ITPKB: variants seen among roughly 807,000 people sequenced by gnomAD.
The protein encoded by ITPKB is IP3 3-kinase B.
A neutral mutation model predicts 69.4 loss-of-function variants in ITPKB; 13 were observed. The observed-to-expected ratio is 0.19, with a 90% CI of 0.12 to 0.30. The LOEUF (loss-of-function observed/expected upper bound fraction) is 0.30, where lower values mean the gene tolerates loss of function less well. Among genes scored for constraint, ITPKB ranks in the 10% least tolerant of loss-of-function variants. The pLI is 1.00. For synonymous variants in ITPKB, 584 were observed against 513.7 expected (o/e 1.14, Z -1.85); for missense variants, 1,240 against 1,250.5 (o/e 0.99, Z 0.13).
chr1:226,648,639 C>G (rs1163547964), intron 3 of ITPKB, 33 bp downstream of exon 3: 1 of 1,358,620 alleles, frequency 7.4e-7, no homozygotes, highest in Admixed American at 1.7e-5. Context: ...GGCTGAGCAC[C>G]ATGCTGGGAA....
chr1:226,680,920 C>T (rs1372050751), intron 2 of ITPKB, among the ~76,000 whole-genome samples: 2 of 152,170 alleles, frequency 1.3e-5, no homozygotes, highest in Admixed American at 6.5e-5. Flanking sequence ...TGTGACTACC[C>T]TAAGTGGATG....
intron 4 of ITPKB, among the ~76,000 whole-genome samples, chr1:226,646,661 C>T (rs186594628): frequency 1.3e-5 from 2 of 152,126 alleles, no homozygotes; most frequent in Admixed American, 6.5e-5. Context: ...GCTTCCTCCT[C>T]CTTTTAGGCA....
intron 2 of ITPKB, among the ~76,000 whole-genome samples, chr1:226,693,700 T>A (rs1656411761): frequency 6.6e-6 from 1 of 152,218 alleles, no homozygotes; most frequent in East Asian, 1.9e-4. Context: ...AATCTGTAGT[T>A]TTAAAACTGC....
intron 2 of ITPKB, among the ~76,000 whole-genome samples, chr1:226,734,061 G>A (rs1228823270): frequency 7.2e-5 from 11 of 152,202 alleles, no homozygotes; most frequent in Admixed American, 7.2e-4. Flanking sequence ...TCTAACTGCT[G>A]GGCAGAAAGA....
At chr1:226,735,494 T>C (rs749399951) in intron 2 of ITPKB, 33 bp downstream of exon 2, 3 of 1,461,914 alleles carry the variant, frequency 2.1e-6, no homozygotes, top group Non-Finnish European at 2.7e-6. Flanking sequence ...GAAATCAGCA[T>C]GAGTTCTGGG....
At chr1:226,690,549 C>T (rs1381115386) in intron 2 of ITPKB, among the ~76,000 whole-genome samples, 2 of 152,212 alleles carry the variant, frequency 1.3e-5, no homozygotes, top group African/African-American at 4.8e-5. Flanking sequence ...AAGCACTCAC[C>T]TCCTGTTTAC....
At chr1:226,730,924 T>G (rs1186338357) in intron 2 of ITPKB, among the ~76,000 whole-genome samples, 2 of 152,206 alleles carry the variant, frequency 1.3e-5, no homozygotes, top group Non-Finnish European at 2.9e-5. Flanking sequence ...CAAATATATT[T>G]CTCTAAAAAC....
At chr1:226,666,031 C>T (rs1051650603) in intron 2 of ITPKB, among the ~76,000 whole-genome samples, 5 of 152,174 alleles carry the variant, frequency 3.3e-5, no homozygotes, top group East Asian at 1.9e-4. Context: ...TGGCCATCTG[C>T]GGTCTTCCCC....
At chr1:226,645,197 G>C (rs773901134) in intron 4 of ITPKB, among the ~76,000 whole-genome samples, 9 of 152,208 alleles carry the variant, frequency 5.9e-5, no homozygotes, top group African/African-American at 9.6e-5. Flanking sequence ...GAACAAGAAG[G>C]GTCCTTAGGA....
chr1:226,639,725 C>T, intron 5 of ITPKB, 67 bp from the exon 6 acceptor site: 2 of 1,010,134 alleles, frequency 2.0e-6, no homozygotes, highest in Non-Finnish European at 3.1e-6. Context: ...CTGTTCTCAC[C>T]CACCCAACAC....
chr1:226,634,483 A>G lies in ITPKB; in HGVS notation c.*188T>C, dbSNP rs1668787678. ...TGACCCTCTCTACAAAAAGCAGTGC[A>G]AACACCACCTCCAAGCCCTGAAGTT... On this transcript the variant is annotated 3_prime_UTR_variant, in exon 8 of 8. Transcript: ENST00000429204. This position sits in a 1 kb window ranked among gnomAD's most constrained non-coding sequence, Gnocchi z 6.3. 1 of 591,160 alleles carries G rather than the reference A, an allele frequency of 1.7e-6. No individual in the cohort carries two copies. Among genetic ancestry groups the G allele is most frequent in the African/African-American group, 1.9e-5 (1 of 53,694 alleles). 36.6% of individuals were successfully genotyped at this position (591,160 alleles called of 1,614,324 possible).
At chr1:226,727,720 C>G (rs1010045680) in intron 2 of ITPKB, among the ~76,000 whole-genome samples, 5 of 152,136 alleles carry the variant, frequency 3.3e-5, no homozygotes, top group Admixed American at 3.3e-4. Context: ...ACCTCGTTTG[C>G]ACCCCCACCC....
rs1657738184 is a variant in ITPKB, at chr1:226,735,927, C to T, written c.1532G>A (p.Gly511Asp). ...VQPGNSRVWQGTMEKAGLAWT... is the reference protein window; with the variant it reads ...VQPGNSRVWQDTMEKAGLAWT... ...AGCCAAACCGGCTTTCTCCATGGTG[C>T]CCTGCCAAACCCTGGAGTTCCCAGG... Residue 511 changes from glycine to aspartate, a missense_variant, in exon 2 of 8, where the codon GGC (glycine) becomes GAC (aspartate). Physicochemically the swap from Gly to Asp is moderately conservative, Grantham distance 94. Coordinates refer to ENST00000429204, the MANE Select transcript of ITPKB (RefSeq NM_002221.4). The T allele has an allele frequency of 6.2e-7, 1 of 1,613,856 alleles. No individual in the cohort carries two copies. Among genetic ancestry groups the T allele is most frequent in the Admixed American group, 1.7e-5 (1 of 60,002 alleles).
chr1:226,653,415 T>A (rs1026525413), intron 2 of ITPKB, among the ~76,000 whole-genome samples: 2 of 152,100 alleles, frequency 1.3e-5, no homozygotes, highest in Non-Finnish European at 2.9e-5. Context: ...ACAGCCAGGG[T>A]GCCAGCCCAG....
chr1:226,655,678 G>A (rs1022597386), intron 2 of ITPKB, among the ~76,000 whole-genome samples: 1 of 152,240 alleles, frequency 6.6e-6, no homozygotes, highest in African/African-American at 2.4e-5. Flanking sequence ...TTCTCCGCAG[G>A]AGGCCAAGCC....
intron 2 of ITPKB, among the ~76,000 whole-genome samples, chr1:226,682,653 G>A (rs947310012): frequency 3.3e-5 from 5 of 152,196 alleles, no homozygotes; most frequent in African/African-American, 1.2e-4. Flanking sequence ...TTACACCTGG[G>A]ATTGACTGGT....
intron 2 of ITPKB, among the ~76,000 whole-genome samples, chr1:226,655,132 G>C (rs756373828): frequency 6.6e-6 from 1 of 152,048 alleles, no homozygotes; most frequent in African/African-American, 2.4e-5. Context: ...AGGGGAAGGA[G>C]AGACCCAGGT....
chr1:226,661,955 A>G (rs1261897160), intron 2 of ITPKB, among the ~76,000 whole-genome samples: 1 of 152,204 alleles, frequency 6.6e-6, no homozygotes, highest in East Asian at 1.9e-4. Context: ...GAGGAAGTGG[A>G]TCCCCAATGA....
At chr1:226,725,941 C>A (rs1323348975) in intron 2 of ITPKB, among the ~76,000 whole-genome samples, 1 of 152,184 alleles carries the variant, frequency 6.6e-6, no homozygotes, top group East Asian at 1.9e-4. Context: ...TTAGCAATTT[C>A]TTTTCAAGCA....
Sources: gnomAD v4.1 joint callset for allele counts (sites outside exome capture counted in the v4.1 genomes callset) on GRCh38, gnomAD v4.1.1 for gene constraint, Gnocchi (gnomAD v3.1) non-coding constraint, MANE v1.5 for transcripts, NCBI Gene and HGNC (gene_info 2026-07-23, HGNC 2026-07-21) for gene names.